The following ERV3-1 variants were observed in gnomAD, a reference collection of about 807,000 sequenced individuals.
The protein encoded by ERV3-1 is endogenous retrovirus group 3 member 1, envelope.
A neutral mutation model predicts 24.6 loss-of-function variants in ERV3-1; 36 were observed. The observed-to-expected ratio is 1.47, with a 90% CI of 1.12 to 1.94. The LOEUF (loss-of-function observed/expected upper bound fraction) is 1.94, where lower values mean the gene tolerates loss of function less well. ERV3-1 is among the 30% of genes most tolerant of loss of function. The pLI is 0.00. For synonymous variants in ERV3-1, 211 were observed against 122.6 expected (o/e 1.72, Z -4.76); for missense variants, 578 against 330.9 (o/e 1.75, Z -5.79).
At chr7:64,993,686 G>A (rs536850049) in intron 1 of ERV3-1, among the ~76,000 whole-genome samples, 12 of 151,320 alleles carry the variant, frequency 7.9e-5, no homozygotes, top group East Asian at 1.9e-4. Context: ...ATGGCTTGCC[G>A]AACAGTATTT....
At chr7:65,006,380 TA>T in intron 1 of ERV3-1, 160 bp downstream of exon 1, 13 of 1,230,130 alleles carry the variant, frequency 1.1e-5, no homozygotes, top group Non-Finnish European at 9.3e-6. Flanking sequence ...GCCGCCATCC[TA>T]TGGCTGAAGG....
Position 64,991,061 on chromosome 7 carries a change from G to T in ERV3-1, c.*151C>A. The T allele has an allele frequency of 1.7e-6, 1 of 572,576 alleles. No individual in the cohort carries two copies. The allele number at this position is 572,576 out of a possible 1,614,324, so 35.5% of individuals were successfully genotyped here. A position where few individuals can be genotyped will look rare whatever the true frequency, so the allele number is the denominator to read the frequency against. ...CGTGTGGTAGTCCGTCTGTCCACAAGAGCCTCTATGGCTGTTTGGATATTT... is the reference window on the plus strand; with the variant it reads ...CGTGTGGTAGTCCGTCTGTCCACAATAGCCTCTATGGCTGTTTGGATATTT... On this transcript the variant is annotated 3_prime_UTR_variant, in exon 2 of 2. Transcript: ENST00000394323.
intron 1 of ERV3-1, among the ~76,000 whole-genome samples, chr7:65,001,025 G>A (rs1323045023): frequency 6.6e-6 from 1 of 152,144 alleles, no homozygotes; most frequent in Non-Finnish European, 1.5e-5. Context: ...AACGGTCACT[G>A]AGGCCTAGTT....
intron 1 of ERV3-1, among the ~76,000 whole-genome samples, chr7:64,995,261 GTGCT>G (rs1786382934): frequency 6.6e-6 from 1 of 152,220 alleles, no homozygotes; most frequent in Non-Finnish European, 1.5e-5. Context: ...GTAGTGGCTA[GTGCT>G]TTACAGCAAG....
intron 1 of ERV3-1, chr7:65,003,820 A>T (rs182237720): frequency 6.6e-6 from 1 of 152,334 alleles, no homozygotes; most frequent in Admixed American, 6.5e-5. Flanking sequence ...TAGCATTAAC[A>T]TCACATATCA....
intron 1 of ERV3-1, among the ~76,000 whole-genome samples, chr7:65,003,490 AAAAG>A (rs2129124622): frequency 6.6e-6 from 1 of 152,312 alleles, no homozygotes; most frequent in Admixed American, 6.5e-5. Context: ...AGAAAAAAGA[AAAAG>A]AAAGAAAGAA....
chr7:64,998,234 GCTGATTTTTCTTTTACTTT>G (rs1454871833), intron 1 of ERV3-1, among the ~76,000 whole-genome samples: 1 of 152,162 alleles, frequency 6.6e-6, no homozygotes, highest in Non-Finnish European at 1.5e-5. Flanking sequence ...TGACAGTGAA[GCTGATTTTTCTTTTACTTT>G]AGGCTTGGCT....
chr7:65,002,754 T>A (rs1487751293), intron 1 of ERV3-1, among the ~76,000 whole-genome samples: 1 of 152,246 alleles, frequency 6.6e-6, no homozygotes, highest in Non-Finnish European at 1.5e-5. Context: ...ACTTGCTGAC[T>A]TCATGGTAAA....
In ERV3-1 at chr7:64,991,315, G is replaced by A. The variant is rs377340326; in HGVS notation, c.1712C>T (p.Thr571Ile). Residue 571 changes from threonine to isoleucine, a missense_variant, in exon 2 of 2, where the codon ACT becomes ATT. Thr to Ile is a moderately conservative substitution (Grantham distance 89). Transcript: ENST00000394323. ...GTCATCAAGTTCCAGGCAGCAGTTA[G>A]TAAGGTTGAACTTTCCGCATACTCC... ...EEGVCGKFNL[T>I]NCCLELDDEG... 36 of 711,292 alleles carry A rather than the reference G, an allele frequency of 5.1e-5. 1 individual carries two copies. The highest frequency in any genetic ancestry group is 3.8e-4 in the African/African-American group (22 of 58,064). The allele number at this position is 711,292 out of a possible 1,614,324, so 44.1% of individuals were successfully genotyped here.
chr7:65,005,356 G>C (rs777360480), intron 1 of ERV3-1, among the ~76,000 whole-genome samples: 2 of 152,146 alleles, frequency 1.3e-5, no homozygotes, highest in Non-Finnish European at 2.9e-5. Context: ...AAAATATTCT[G>C]ATAAGGTTTC....
At chr7:65,005,756 T>C (rs1419021361) in intron 1 of ERV3-1, among the ~76,000 whole-genome samples, 2 of 152,138 alleles carry the variant, frequency 1.3e-5, no homozygotes, top group Non-Finnish European at 2.9e-5. Context: ...CTGTGGAGTG[T>C]GAAAATAATT....
chr7:64,997,236 CTT>C (rs1434253796), intron 1 of ERV3-1, among the ~76,000 whole-genome samples: 8 of 152,178 alleles, frequency 5.3e-5, no homozygotes, highest in African/African-American at 1.2e-4. Flanking sequence ...ATCAGCCTCT[CTT>C]TGTCTCCTGG....
chr7:64,996,042 GCA>G (rs1345413985), intron 1 of ERV3-1, among the ~76,000 whole-genome samples: 1 of 152,202 alleles, frequency 6.6e-6, no homozygotes, highest in Non-Finnish European at 1.5e-5. Flanking sequence ...ACAGAAGAAA[GCA>G]TCCTTTAAGT....
chr7:65,005,153 C>A, intron 1 of ERV3-1: 1 of 156,624 alleles, frequency 6.4e-6, no homozygotes, highest in South Asian at 1.8e-4. Flanking sequence ...GCTGTCCTGT[C>A]TCCCATTCCC....
At position 64,993,320 on chromosome 7, in the gene ERV3-1, G is replaced by A. The variant is rs1786328977; in HGVS notation, c.-294C>T. 3.1e-6 allele frequency: 1 copy of A among 325,052 alleles called. No homozygotes were observed. Among genetic ancestry groups the A allele is most frequent in the Admixed American group, 4.5e-5 (1 of 22,238 alleles). 20.1% of individuals were successfully genotyped at this position (325,052 alleles called of 1,614,324 possible). ...CTTGGTTCCATCGTAGGATCAGCTG[G>A]GTTGCATGGTCTAGGTCCTGTTGGC... On this transcript the variant is annotated 5_prime_UTR_variant, in exon 2 of 2. Coordinates refer to ENST00000394323, the MANE Select transcript of ERV3-1 (RefSeq NM_001007253.4).
rs1786327470 is a variant in ERV3-1, at chr7:64,993,269, CAGGG to C, written c.-247_-244del. 6.4e-6 allele frequency: 3 copies of C among 466,082 alleles called. No homozygotes were observed. In the South Asian group the frequency reaches 9.4e-5, roughly 15 times the overall value. 28.9% of individuals were successfully genotyped at this position (466,082 alleles called of 1,614,324 possible). A position where few individuals can be genotyped will look rare whatever the true frequency, so the allele number is the denominator to read the frequency against. On this transcript the variant is annotated 5_prime_UTR_variant, in exon 2 of 2. It introduces an in-frame stop codon into an upstream open reading frame of the 5' UTR. Coordinates refer to ENST00000394323, the MANE Select transcript of ERV3-1 (RefSeq NM_001007253.4). ...TGGTCAGCTTCCGGAGTGACCAGAG[CAGGG>C]CTGTTGTCATCTCACTGGCACCTTG...
rs1786264221 is a variant in ERV3-1, at chr7:64,991,489, T to G, written c.1538A>C (p.Asn513Thr). ...TACTGCCTGCAATCTTATAATGCGG[T>G]TAAGCATGTAAACTGGGGTGCGGTA... is the stretch of plus-strand genomic sequence containing the variant. ...WGYRTPVYML[N>T]RIIRLQAVLE... Residue 513 changes from asparagine to threonine, a missense_variant, in exon 2 of 2, where the codon AAC becomes ACC. Asn to Thr is a moderately conservative substitution (Grantham distance 65). Transcript: ENST00000394323. 1 of 704,188 alleles carries G rather than the reference T, an allele frequency of 1.4e-6. No individual in the cohort carries two copies. The highest frequency in any genetic ancestry group is 2.6e-6 in the Non-Finnish European group (1 of 385,018). The allele number at this position is 704,188 out of a possible 1,614,324, so 43.6% of individuals were successfully genotyped here.
chr7:64,992,868 A>C lies in ERV3-1; in HGVS notation c.159T>G (p.Cys53Trp). ...KTLLYHTYYE[C>W]AGTCLGTCTH... ...TACAAGTTCCTAGGCAGGTCCCAGC[A>C]CACTCATAATAAGTGTGATACAACA... The change falls in exon 2 of 2, where the codon TGT becomes TGG. Residue 53 changes from cysteine to tryptophan, a missense_variant. Physicochemically the swap from Cys to Trp is radical, Grantham distance 215. Coordinates refer to ENST00000394323, the MANE Select transcript of ERV3-1 (RefSeq NM_001007253.4). The C allele has an allele frequency of 2.6e-6, 2 of 766,420 alleles. No individual in the cohort carries two copies. The highest frequency in any genetic ancestry group is 2.7e-5 in the South Asian group (2 of 74,622). The allele number at this position is 766,420 out of a possible 1,614,324, so 47.5% of individuals were successfully genotyped here. A position where few individuals can be genotyped will look rare whatever the true frequency, so the allele number is the denominator to read the frequency against.
At chr7:65,000,904 T>C (rs1746171966) in intron 1 of ERV3-1, among the ~76,000 whole-genome samples, 1 of 151,842 alleles carries the variant, frequency 6.6e-6, no homozygotes, top group South Asian at 2.1e-4. Context: ...ATGGACAGAG[T>C]TGGAGACCAT....
Sources: gnomAD v4.1 joint callset for allele counts (sites outside exome capture counted in the v4.1 genomes callset) on GRCh38, gnomAD v4.1.1 for gene constraint, MANE v1.5 for transcripts, NCBI Gene and HGNC (gene_info 2026-07-23, HGNC 2026-07-21) for gene names.